Variants in CNTNAP2 observed in about 807,000 individuals in gnomAD.
CNTNAP2 encodes the protein contactin associated protein 2.
Under a neutral mutation model 155.2 loss-of-function variants are expected in CNTNAP2, and 98 were observed. The observed-to-expected ratio is 0.63, with a 90% CI of 0.54 to 0.75. CNTNAP2 has a LOEUF of 0.75. Ranked by LOEUF, CNTNAP2 falls within the 30% of genes least tolerant of loss-of-function variation. The probability of loss-of-function intolerance (pLI) is 0.00; values close to 1 mark genes in which losing one functional copy is unlikely to be tolerated. For missense variants in CNTNAP2, 1,727 were observed against 1,688.1 expected (o/e 1.02, Z -0.40); for synonymous variants, 651 against 631.2 (o/e 1.03, Z -0.47).
chr7:148,281,930 G>A (rs368556920), intron 21 of CNTNAP2, among the ~76,000 whole-genome samples: 4 of 143,392 alleles, frequency 2.8e-5, no homozygotes, highest in South Asian at 4.5e-4. Context: ...CCACCTCCCG[G>A]GTTCAAGCAA....
intron 13 of CNTNAP2, among the ~76,000 whole-genome samples, chr7:147,697,898 C>A (rs1208979983): frequency 6.6e-6 from 1 of 152,186 alleles, no homozygotes; most frequent in Non-Finnish European, 1.5e-5. Flanking sequence ...GAGAAGCTGG[C>A]AGACTCCTGG....
At chr7:147,992,249 C>A (rs1801723963) in intron 15 of CNTNAP2, among the ~76,000 whole-genome samples, 2 of 151,830 alleles carry the variant, frequency 1.3e-5, no homozygotes, top group African/African-American at 4.8e-5. Flanking sequence ...AGCATGCCAC[C>A]ACACCCAGTT....
chr7:147,569,334 G>C (rs1313747244), intron 12 of CNTNAP2, among the ~76,000 whole-genome samples: 3 of 151,998 alleles, frequency 2.0e-5, no homozygotes, highest in Non-Finnish European at 1.5e-5. Context: ...CTCCAGTGGA[G>C]AGTATCATAA....
chr7:146,971,990 A>G (rs1012229498), intron 3 of CNTNAP2, among the ~76,000 whole-genome samples: 3 of 152,176 alleles, frequency 2.0e-5, no homozygotes, highest in Non-Finnish European at 2.9e-5. Flanking sequence ...TTTCCCATAT[A>G]TGCTATTTTA....
intron 1 of CNTNAP2, among the ~76,000 whole-genome samples, chr7:146,651,888 T>A (rs2129163796): frequency 6.6e-6 from 1 of 152,218 alleles, no homozygotes; most frequent in African/African-American, 2.4e-5. Context: ...AGTAAAAACC[T>A]TTTCAAGTAA....
intron 4 of CNTNAP2, among the ~76,000 whole-genome samples, chr7:147,107,316 C>T (rs542352902): frequency 6.6e-6 from 1 of 152,120 alleles, no homozygotes; most frequent in South Asian, 2.1e-4. Flanking sequence ...TCAAATGAAT[C>T]CTCACAGTCA....
chr7:147,792,185 T>C (rs1797830675), intron 13 of CNTNAP2, among the ~76,000 whole-genome samples: 2 of 152,250 alleles, frequency 1.3e-5, no homozygotes. Context: ...GTTTCTTTTT[T>C]AATAACAACT....
At chr7:147,530,124 A>G (rs1195424587) in intron 11 of CNTNAP2, among the ~76,000 whole-genome samples, 1 of 151,820 alleles carries the variant, frequency 6.6e-6, no homozygotes, top group Non-Finnish European at 1.5e-5. Context: ...AAGAAGTTTA[A>G]TTGGACTTAT....
At chr7:148,316,075 G>A (rs1797682338) in intron 21 of CNTNAP2, among the ~76,000 whole-genome samples, 1 of 151,856 alleles carries the variant, frequency 6.6e-6, no homozygotes. Flanking sequence ...AAAGATAGAG[G>A]GAAAAAAAAT....
At chr7:146,222,829 T>A (rs147072497) in intron 1 of CNTNAP2, among the ~76,000 whole-genome samples, 4,609 of 151,830 alleles carry the variant, frequency 0.03, 224 homozygotes, top group African/African-American at 0.11. Context: ...CTAATTTTTT[T>A]ATATTTTTTT....
At chr7:146,321,275 A>G (rs1403392743) in intron 1 of CNTNAP2, among the ~76,000 whole-genome samples, 1 of 152,216 alleles carries the variant, frequency 6.6e-6, no homozygotes, top group East Asian at 1.9e-4. Context: ...TTATTGTCAT[A>G]GAATCAGATA....
rs1795837499 is a variant in CNTNAP2, at chr7:146,409,502, A to G, written c.97+292529A>G. ...TAATTCAAGAAGTAAAGCAGAAAACATTCAACCAATTAGAATTTTTGAACA... is the reference window on the plus strand; with the variant it reads ...TAATTCAAGAAGTAAAGCAGAAAACGTTCAACCAATTAGAATTTTTGAACA... On this transcript the variant is annotated intron_variant, in intron 1 of 23. Transcript: ENST00000361727. 2.0e-5 allele frequency among the ~76,000 whole-genome samples: 3 copies of G among 152,220 alleles called. No homozygotes were observed. In the South Asian group the frequency reaches 6.2e-4, roughly 32 times the overall value.
intron 8 of CNTNAP2, among the ~76,000 whole-genome samples, chr7:147,283,396 T>A (rs890704025): frequency 5.3e-5 from 8 of 151,942 alleles, no homozygotes; most frequent in African/African-American, 1.7e-4. Context: ...ACCCTCCAGA[T>A]TGCTTTTAGT....
intron 13 of CNTNAP2, among the ~76,000 whole-genome samples, chr7:147,740,042 G>C (rs185143938): frequency 4.6e-5 from 7 of 152,260 alleles, no homozygotes; most frequent in Admixed American, 2.6e-4. Flanking sequence ...CTGCAGAGCT[G>C]AGGGGGCTGT....
At chr7:147,245,106 C>T (rs976693053) in intron 8 of CNTNAP2, among the ~76,000 whole-genome samples, 3 of 152,048 alleles carry the variant, frequency 2.0e-5, no homozygotes, top group East Asian at 3.9e-4. Context: ...AATACTTAGA[C>T]GACTTCAAAA....
intron 9 of CNTNAP2, among the ~76,000 whole-genome samples, chr7:147,314,183 T>C (rs1795182332): frequency 6.6e-6 from 1 of 152,168 alleles, no homozygotes; most frequent in African/African-American, 2.4e-5. Flanking sequence ...TAAAAATGGT[T>C]GAATATCTAA....
chr7:147,976,652 A>G (rs995744645), intron 14 of CNTNAP2, among the ~76,000 whole-genome samples: 1 of 152,234 alleles, frequency 6.6e-6, no homozygotes, highest in African/African-American at 2.4e-5. Context: ...GGGTCCTGAC[A>G]CATGAGGAAA....
chr7:147,214,530 A>G (rs1008690646), intron 8 of CNTNAP2, among the ~76,000 whole-genome samples: 2 of 152,280 alleles, frequency 1.3e-5, no homozygotes, highest in African/African-American at 2.4e-5. Context: ...GATTAATTGA[A>G]ATTATTATAT....
chr7:146,198,502 G>T (rs1798810179), intron 1 of CNTNAP2, among the ~76,000 whole-genome samples: 1 of 152,136 alleles, frequency 6.6e-6, no homozygotes, highest in Non-Finnish European at 1.5e-5. Context: ...TTAATTGGGT[G>T]TTGCTAGTGA....
Sources: allele counts gnomAD v4.1 joint callset (sites outside exome capture counted in the v4.1 genomes callset), GRCh38; gene constraint gnomAD v4.1.1; transcripts MANE v1.5; gene names NCBI Gene and HGNC (gene_info 2026-07-23, HGNC 2026-07-21).